The following TC2N variants were observed in gnomAD, a reference collection of about 807,000 sequenced individuals.
TC2N encodes the protein tandem C2 domains, nuclear, also known as tandem C2 domains nuclear protein.
In TC2N, 51 loss-of-function variants were observed where a neutral mutation model predicts 61.9. That is an observed-to-expected ratio of 0.82 (90% CI 0.66 to 1.04). TC2N has a LOEUF of 1.04. Ranked by LOEUF, TC2N falls within the 50% of genes least tolerant of loss-of-function variation. TC2N has a pLI of 0.00. For synonymous variants in TC2N, 204 were observed against 192.6 expected (o/e 1.06, Z -0.49); for missense variants, 556 against 566.7 (o/e 0.98, Z 0.19).
intron 1 of TC2N, among the ~76,000 whole-genome samples, chr14:91,847,206 C>T (rs954508050): frequency 6.7e-6 from 1 of 150,154 alleles, no homozygotes; most frequent in Non-Finnish European, 1.5e-5. Flanking sequence ...TGCAGTGAGC[C>T]GAGATCACGC....
chr14:91,800,429 A>G, intron 4 of TC2N, 57 bp from the exon 5 acceptor site: 1 of 956,248 alleles, frequency 1.0e-6, no homozygotes, highest in Non-Finnish European at 1.6e-6. Flanking sequence ...ATTCTACTTA[A>G]TTACCATGAA....
chr14:91,862,339 CAAAAAAAA>C (rs56816512), intron 1 of TC2N, among the ~76,000 whole-genome samples: 37 of 106,468 alleles, frequency 3.5e-4, no homozygotes, highest in Non-Finnish European at 4.1e-4. Context: ...GACTCTGTCT[CAAAAAAAA>C]AAAAAAAAAA....
At chr14:91,832,424 AAAC>A (rs1451284741) in intron 1 of TC2N, among the ~76,000 whole-genome samples, 4 of 152,134 alleles carry the variant, frequency 2.6e-5, no homozygotes, top group African/African-American at 7.2e-5. Context: ...TAAAGTAAAA[AAAC>A]AACAACAAAA....
At chr14:91,840,366 A>G (rs1358951341) in intron 1 of TC2N, among the ~76,000 whole-genome samples, 1 of 152,222 alleles carries the variant, frequency 6.6e-6, no homozygotes, top group Non-Finnish European at 1.5e-5. Context: ...TAGGCATTCT[A>G]TGGGAGACAT....
intron 1 of TC2N, among the ~76,000 whole-genome samples, chr14:91,814,529 A>G (rs796667663): frequency 2.6e-5 from 4 of 151,516 alleles, no homozygotes; most frequent in African/African-American, 9.6e-5. Flanking sequence ...TGAGAAGTAT[A>G]AAAGGGCAGA....
At chr14:91,812,774 A>G (rs946173498) in intron 2 of TC2N, among the ~76,000 whole-genome samples, 6 of 152,068 alleles carry the variant, frequency 3.9e-5, no homozygotes, top group Admixed American at 2.0e-4. Context: ...ATAATGGTAA[A>G]AGCAGCTTTA....
intron 1 of TC2N, among the ~76,000 whole-genome samples, chr14:91,840,485 T>A (rs1888143521): frequency 6.6e-6 from 1 of 152,214 alleles, no homozygotes; most frequent in Non-Finnish European, 1.5e-5. Context: ...GTCTCTCAGA[T>A]GGCCACCTTA....
intron 1 of TC2N, among the ~76,000 whole-genome samples, chr14:91,858,436 C>T (rs1358913033): frequency 6.6e-6 from 1 of 152,036 alleles, no homozygotes; most frequent in Non-Finnish European, 1.5e-5. Flanking sequence ...GGACAAAGAA[C>T]CAAAGATGTC....
At chr14:91,792,616 C>CA in intron 8 of TC2N, 58 bp from the exon 9 acceptor site, 1 of 761,686 alleles carries the variant, frequency 1.3e-6, no homozygotes, top group Non-Finnish European at 2.0e-6. Context: ...TATGCCAATA[C>CA]AAAATAATAT....
chr14:91,780,221 T>C lies in TC2N; in HGVS notation c.*2879A>G, dbSNP rs1039379499. 6.6e-6 allele frequency: 1 copy of C among 152,224 alleles called. No homozygotes were observed. The highest frequency in any genetic ancestry group is 6.5e-5 in the Admixed American group (1 of 15,284). 9.4% of individuals were successfully genotyped at this position (152,224 alleles called of 1,614,324 possible). ...ACTGCTATGCTATCAAAAGCTGACA[T>C]TTATTACAAATTTCTGAAATCCTTC... On this transcript the variant is annotated 3_prime_UTR_variant, in exon 12 of 12. Coordinates refer to ENST00000435962, the MANE Select transcript of TC2N (RefSeq NM_001128596.3).
chr14:91,822,045 C>T (rs2139879203), intron 1 of TC2N, among the ~76,000 whole-genome samples: 1 of 152,286 alleles, frequency 6.6e-6, no homozygotes, highest in East Asian at 1.9e-4. Flanking sequence ...TCCTATTCTA[C>T]TGGTGGGACT....
chr14:91,844,697 G>T (rs1416532502), intron 1 of TC2N, among the ~76,000 whole-genome samples: 4 of 146,296 alleles, frequency 2.7e-5, no homozygotes, highest in Admixed American at 1.4e-4. Flanking sequence ...GGAGGCGGAG[G>T]TTGCAGTGAG....
intron 1 of TC2N, among the ~76,000 whole-genome samples, chr14:91,818,476 T>A (rs7153861): frequency 0.094 from 14,239 of 151,890 alleles, 1,478 homozygotes; most frequent in African/African-American, 0.26. Flanking sequence ...TATCCAGCAT[T>A]CAAGGTAAAA....
At chr14:91,863,187 T>C (rs1277533955) in intron 1 of TC2N, among the ~76,000 whole-genome samples, 1 of 152,226 alleles carries the variant, frequency 6.6e-6, no homozygotes, top group East Asian at 1.9e-4. Context: ...AAAACAAAAC[T>C]ATGAGGTTAC....
intron 1 of TC2N, among the ~76,000 whole-genome samples, chr14:91,846,677 C>T (rs1283611354): frequency 6.6e-6 from 1 of 152,200 alleles, no homozygotes; most frequent in African/African-American, 2.4e-5. Context: ...ATAAATGACT[C>T]TTCTGCTATT....
rs200352219 is a variant in TC2N, at chr14:91,813,739, C to T, written c.31G>A (p.Gly11Arg). The change falls in exon 2 of 12, where the codon GGA becomes AGA. Residue 11 changes from glycine to arginine, a missense_variant. By Grantham distance (125) the Gly-to-Arg change is moderately radical. Coordinates refer to ENST00000435962, the MANE Select transcript of TC2N (RefSeq NM_001128596.3). ...TCTGTTTCACCATAGAAACATCCTCCACAGCAACTCTTTATAAATTCTGTT... is the reference window on the plus strand; with the variant it reads ...TCTGTTTCACCATAGAAACATCCTCTACAGCAACTCTTTATAAATTCTGTT... MATEFIKSCCGGCFYGETEKH... is the reference protein window; with the variant it reads MATEFIKSCCRGCFYGETEKH... The T allele has an allele frequency of 6.2e-7, 1 of 1,609,790 alleles. No homozygotes were observed. The highest frequency in any genetic ancestry group is 2.2e-5 in the East Asian group (1 of 44,704).
intron 1 of TC2N, among the ~76,000 whole-genome samples, chr14:91,826,815 A>G (rs984186393): frequency 2.0e-5 from 3 of 152,184 alleles, no homozygotes; most frequent in Admixed American, 2.0e-4. Flanking sequence ...TCATTATGGT[A>G]ACTTTTTAAT....
rs185317402 is a variant in TC2N, at chr14:91,823,175, T to C, written c.-56-9350A>G. Among the ~76,000 whole-genome samples, 414 of 152,020 alleles carry C rather than the reference T, an allele frequency of 2.7e-3. 1 individual carries two copies. The highest frequency in any genetic ancestry group is 6.2e-3 in the South Asian group (30 of 4,806). ...AATACATAAGTAGAATTACAGAACA[T>C]TAACAGAAAAAGAGGCCTCAAAAAC... On this transcript the variant is annotated intron_variant, in intron 1 of 11. Transcript: ENST00000435962.
chr14:91,825,026 C>CTTTTTTT (rs5810554), intron 1 of TC2N, among the ~76,000 whole-genome samples: 2 of 66,860 alleles, frequency 3.0e-5, no homozygotes, highest in African/African-American at 6.1e-5. Flanking sequence ...TTTTTCTTTT[C>CTTTTTTT]TTTTTTTTTT....
Sources: allele counts gnomAD v4.1 joint callset (sites outside exome capture counted in the v4.1 genomes callset), GRCh38; gene constraint gnomAD v4.1.1; transcripts MANE v1.5; gene names NCBI Gene and HGNC (gene_info 2026-07-23, HGNC 2026-07-21).